PIBF1: variants seen among roughly 807,000 people sequenced by gnomAD.
PIBF1 encodes progesterone immunomodulatory binding factor 1.
In PIBF1, 90 loss-of-function variants were observed where a neutral mutation model predicts 112.5. That is an observed-to-expected ratio of 0.80 (90% CI 0.67 to 0.95). PIBF1 has a LOEUF of 0.95. Ranked by LOEUF, PIBF1 falls within the 40% of genes least tolerant of loss-of-function variation. The probability of loss-of-function intolerance (pLI) is 0.00; values close to 1 mark genes in which losing one functional copy is unlikely to be tolerated. For synonymous variants in PIBF1, 301 were observed against 288.6 expected (o/e 1.04, Z -0.44); for missense variants, 915 against 852.3 (o/e 1.07, Z -0.92).
At chr13:72,882,497 AC>A (rs1214351991) in intron 10 of PIBF1, among the ~76,000 whole-genome samples, 3 of 152,232 alleles carry the variant, frequency 2.0e-5, no homozygotes, top group Non-Finnish European at 4.4e-5. Flanking sequence ...AAGTGAAGAG[AC>A]AACCCACAAA....
chr13:72,789,519 A>G (rs1386156014), intron 2 of PIBF1, among the ~76,000 whole-genome samples: 2 of 151,952 alleles, frequency 1.3e-5, no homozygotes, highest in African/African-American at 2.4e-5. Flanking sequence ...AACTCTTTTT[A>G]TTTATCTCTC....
chr13:72,926,407 G>A (rs757500185), intron 13 of PIBF1, among the ~76,000 whole-genome samples: 4 of 152,142 alleles, frequency 2.6e-5, no homozygotes, highest in Non-Finnish European at 5.9e-5. Context: ...ATAAATGTAA[G>A]TAAAAGTTCC....
chr13:72,892,466 T>C (rs1243786843), intron 10 of PIBF1, among the ~76,000 whole-genome samples: 1 of 152,130 alleles, frequency 6.6e-6, no homozygotes, highest in Non-Finnish European at 1.5e-5. Context: ...AAATAGCCTT[T>C]AAAAAGCATT....
chr13:72,924,665 T>C (rs1441874823), intron 13 of PIBF1, among the ~76,000 whole-genome samples: 3 of 151,924 alleles, frequency 2.0e-5, no homozygotes, highest in Non-Finnish European at 4.4e-5. Context: ...GCAGTAGCCA[T>C]GTTTGCACCA....
chr13:73,002,201 A>G (rs2043892528), intron 17 of PIBF1, among the ~76,000 whole-genome samples: 1 of 152,158 alleles, frequency 6.6e-6, no homozygotes, highest in Non-Finnish European at 1.5e-5. Context: ...AAGAGAAAAA[A>G]AGGAGTTATT....
intron 15 of PIBF1, 36 bp downstream of exon 15, chr13:72,965,440 AGACAT>A: frequency 6.5e-7 from 1 of 1,549,358 alleles, no homozygotes; most frequent in Non-Finnish European, 8.8e-7. Context: ...TGAATAATAA[AGACAT>A]TGTTACCATA....
intron 8 of PIBF1, among the ~76,000 whole-genome samples, chr13:72,834,628 A>G (rs1490655613): frequency 6.6e-6 from 1 of 152,180 alleles, no homozygotes; most frequent in Admixed American, 6.5e-5. Context: ...CTTTAAGAAA[A>G]AAAGAAAAAA....
At chr13:72,917,042 G>A (rs781750047) in intron 12 of PIBF1, 34 bp from the exon 13 acceptor site, 1 of 1,332,594 alleles carries the variant, frequency 7.5e-7, no homozygotes, top group Admixed American at 2.3e-5. Context: ...GAAAAATAAA[G>A]TTATTTCACA....
At chr13:72,874,217 C>CTTAGTA (rs1261426737) in intron 10 of PIBF1, among the ~76,000 whole-genome samples, 1 of 152,096 alleles carries the variant, frequency 6.6e-6, no homozygotes, top group Non-Finnish European at 1.5e-5. Context: ...TAAACATAAA[C>CTTAGTA]TTAGTATAAG....
chr13:72,822,004 A>T, intron 6 of PIBF1, 22 bp downstream of exon 6: 1 of 1,590,858 alleles, frequency 6.3e-7, no homozygotes, highest in Non-Finnish European at 8.6e-7. Flanking sequence ...AAATGGCTGC[A>T]GTAGTAGTTC....
intron 2 of PIBF1, among the ~76,000 whole-genome samples, chr13:72,785,809 C>G (rs1217967193): frequency 6.6e-6 from 1 of 152,126 alleles, no homozygotes; most frequent in Non-Finnish European, 1.5e-5. Flanking sequence ...ACCTGTATAC[C>G]ATATCCAGAC....
intron 11 of PIBF1, among the ~76,000 whole-genome samples, chr13:72,904,196 A>T (rs1384037148): frequency 2.0e-5 from 3 of 151,504 alleles, no homozygotes; most frequent in African/African-American, 7.3e-5. Flanking sequence ...GGTTTATTTT[A>T]CAGTTACAAA....
chr13:72,961,376 C>T (rs1299304374), intron 14 of PIBF1, among the ~76,000 whole-genome samples: 3 of 151,806 alleles, frequency 2.0e-5, no homozygotes, highest in Non-Finnish European at 4.4e-5. Context: ...GAGTGGAAAA[C>T]CAAAAAATTG....
chr13:72,923,963 T>C (rs1222472426), intron 13 of PIBF1, among the ~76,000 whole-genome samples: 2 of 152,014 alleles, frequency 1.3e-5, no homozygotes, highest in East Asian at 1.9e-4. Context: ...AAACTCTAAC[T>C]CAAAAAAAAA....
intron 16 of PIBF1, among the ~76,000 whole-genome samples, chr13:72,989,744 T>C (rs1028520888): frequency 2.6e-5 from 4 of 152,220 alleles, no homozygotes; most frequent in Non-Finnish European, 5.9e-5. Flanking sequence ...CATTGAATTA[T>C]ACACTTCAAA....
At chr13:72,924,500 T>TC (rs142728111) in intron 13 of PIBF1, among the ~76,000 whole-genome samples, 7,019 of 152,140 alleles carry the variant, frequency 0.046, 282 homozygotes, top group Middle Eastern at 0.11. Flanking sequence ...GGTGGAAGGA[T>TC]CACCTGAGCC....
chr13:72,887,910 A>G (rs567687239), intron 10 of PIBF1, among the ~76,000 whole-genome samples: 8 of 152,292 alleles, frequency 5.3e-5, no homozygotes, highest in South Asian at 4.1e-4. Flanking sequence ...ATCAGAATAT[A>G]TGGACACAAA....
At chr13:72,850,203 AC>A (rs2038067687) in intron 9 of PIBF1, among the ~76,000 whole-genome samples, 1 of 152,132 alleles carries the variant, frequency 6.6e-6, no homozygotes. Flanking sequence ...CTGTGAGAGG[AC>A]CTCTTGGTAG....
At chr13:72,971,214 G>GTA (rs1313589399) in intron 15 of PIBF1, among the ~76,000 whole-genome samples, 2 of 151,670 alleles carry the variant, frequency 1.3e-5, no homozygotes, top group Non-Finnish European at 2.9e-5. Flanking sequence ...GTATGTGTGT[G>GTA]TGTGTGTGTA....
Sources: gnomAD v4.1 joint callset for allele counts (sites outside exome capture counted in the v4.1 genomes callset) on GRCh38, gnomAD v4.1.1 for gene constraint, MANE v1.5 for transcripts, NCBI Gene and HGNC (gene_info 2026-07-23, HGNC 2026-07-21) for gene names.